The following TNFRSF10A variants were observed in gnomAD, a reference collection of about 807,000 sequenced individuals.
TNFRSF10A encodes the protein tumor necrosis factor receptor superfamily member 10A.
In TNFRSF10A, 44 loss-of-function variants were observed where a neutral mutation model predicts 42.8. The ratio of observed to expected loss-of-function variants is 1.03; its 90% CI spans 0.81 to 1.32. TNFRSF10A has a LOEUF of 1.32. TNFRSF10A is among the 40% of genes most tolerant of loss of function. The pLI, the probability that TNFRSF10A is intolerant of heterozygous loss-of-function variation, is 0.00. For missense variants in TNFRSF10A, 680 were observed against 602.0 expected, an observed-to-expected ratio of 1.13 and a Z score of -1.36; for synonymous variants, 259 against 234.2, an observed-to-expected ratio of 1.11 and a Z score of -0.97.
At position 23,191,919 on chromosome 8, in the gene TNFRSF10A, G is replaced by A. The variant is rs776854767; in HGVS notation, c.1182C>T (p.Ile394=). The change falls in exon 10 of 10, where the codon ATC becomes ATT. Residue 394 remains isoleucine, a synonymous_variant. Coordinates refer to ENST00000221132, the MANE Select transcript of TNFRSF10A (RefSeq NM_003844.4). ...CTGCTGTACCAGCTCTGACCACATC[G>A]ATCTCATTTTTCGTGAGGTCCAGCT... The part of the protein sequence containing the change: ...MRQLDLTKNE[I]DVVRAGTAGP... The A allele has an allele frequency of 2.7e-5, 44 of 1,613,988 alleles. No individual in the cohort carries two copies. The highest frequency in any genetic ancestry group is 8.9e-5 in the East Asian group (4 of 44,874).
rs781609480 is a variant in TNFRSF10A at position 23,224,990 on chromosome 8, C to G, written c.72G>C (p.Ala24=). Residue 24 remains alanine, a synonymous_variant, in exon 1 of 10, where the codon GCG becomes GCC. Coordinates refer to ENST00000221132, the MANE Select transcript of TNFRSF10A (RefSeq NM_003844.4). The part of the protein sequence containing the change: ...LAVTPNPGSA[A]SGTEAAAATP... ...TGGCCGCGGCTGCCTCTGTCCCACT[C>G]GCTGCGCTCCCGGGATTCGGAGTCA... is the stretch of plus-strand genomic sequence containing the variant. 15 of 1,592,546 alleles carry G rather than the reference C, an allele frequency of 9.4e-6. No homozygotes were observed. The highest frequency in any genetic ancestry group is 6.9e-5 in the Admixed American group (4 of 57,700).
Position 23,199,463 on chromosome 8 carries a change from G to C in TNFRSF10A, c.832-15C>G. 1 of 1,603,434 alleles carries C rather than the reference G, an allele frequency of 6.2e-7. No homozygotes were observed. The highest frequency in any genetic ancestry group is 8.5e-7 in the Non-Finnish European group (1 of 1,171,222). On this transcript the variant is annotated splice_polypyrimidine_tract_variant and intron_variant, in intron 7 of 9. Coordinates refer to ENST00000221132, the MANE Select transcript of TNFRSF10A (RefSeq NM_003844.4). ...CAGAAACACACCTTAGGAAGGCAAA[G>C]AGCCAACTCAGAAGCCCACACCCAG... is the stretch of plus-strand genomic sequence containing the variant.
chr8:23,199,734 G>C (rs1800880219), intron 7 of TNFRSF10A, 152 bp downstream of exon 7: 5 of 1,107,118 alleles, frequency 4.5e-6, no homozygotes, highest in Non-Finnish European at 1.3e-6. Flanking sequence ...AAAAGGGCCT[G>C]TGTCCCCCAT....
At chr8:23,202,837 CTTCTTT>C in intron 2 of TNFRSF10A, 76 bp from the exon 3 acceptor site, 1 of 1,009,618 alleles carries the variant, frequency 9.9e-7, no homozygotes, top group South Asian at 1.3e-5. Context: ...CTAGGAAACT[CTTCTTT>C]TGGCCATCAG....
intron 9 of TNFRSF10A, 148 bp from the exon 10 acceptor site, chr8:23,192,161 T>A: frequency 7.1e-7 from 1 of 1,405,368 alleles, no homozygotes; most frequent in Non-Finnish European, 9.4e-7. Flanking sequence ...CCCACCCACC[T>A]CCCATCCACA....
At position 23,200,693 on chromosome 8, in the gene TNFRSF10A, C is replaced by A. The variant is rs770623755; in HGVS notation, c.697G>T (p.Glu233Ter). 9.8e-6 allele frequency: 15 copies of A among 1,527,108 alleles called. No homozygotes were observed. The African/African-American group carries it at 1.7e-4, about 17-fold the overall frequency. 94.6% of individuals were successfully genotyped at this position (1,527,108 alleles called of 1,614,324 possible). ...TCCCCAGTGGGCTTTGTACCTGATT[C>A]TTTGTGGACACACTCGATGTCACTC... Reference protein sequence around the residue: ...PWSDIECVHKESGNGHNIWVI... With the variant: ...PWSDIECVHK The change falls in exon 5 of 10, where the codon GAA (glutamate) becomes TAA (stop). Residue 233 changes from glutamate to a stop codon, truncating the protein, a stop_gained. Coordinates refer to ENST00000221132, the MANE Select transcript of TNFRSF10A (RefSeq NM_003844.4). LOFTEE classifies it high-confidence loss of function.
intron 2 of TNFRSF10A, among the ~76,000 whole-genome samples, chr8:23,210,576 G>T (rs1018501834): frequency 1.1e-4 from 17 of 152,284 alleles, no homozygotes; most frequent in African/African-American, 4.1e-4. Context: ...CTGCTACTTG[G>T]AAGGCTGAGG....
intron 9 of TNFRSF10A, among the ~76,000 whole-genome samples, chr8:23,192,828 T>C (rs976918702): frequency 6.6e-6 from 1 of 152,170 alleles, no homozygotes; most frequent in Non-Finnish European, 1.5e-5. Context: ...TTCTGGTCCT[T>C]AACGACTGGA....
chr8:23,218,484 TTTTA>T (rs1351591698), intron 1 of TNFRSF10A, among the ~76,000 whole-genome samples: 1 of 152,152 alleles, frequency 6.6e-6, no homozygotes, highest in Non-Finnish European at 1.5e-5. Context: ...TTCGTGGCTT[TTTTA>T]TTTCTTTGTT....
chr8:23,194,760 A>G (rs1800799972), intron 9 of TNFRSF10A, among the ~76,000 whole-genome samples: 1 of 152,348 alleles, frequency 6.6e-6, no homozygotes, highest in Non-Finnish European at 1.5e-5. Flanking sequence ...AAATGAAAGA[A>G]TTGAGTAAAT....
intron 1 of TNFRSF10A, chr8:23,224,465 C>T: frequency 4.3e-6 from 2 of 459,948 alleles, no homozygotes; most frequent in Non-Finnish European, 7.8e-6. Flanking sequence ...CTTCCCGATA[C>T]ATCGTGAGGT....
At chr8:23,215,976 G>A (rs1477658358) in intron 1 of TNFRSF10A, among the ~76,000 whole-genome samples, 2 of 152,042 alleles carry the variant, frequency 1.3e-5, no homozygotes, top group Middle Eastern at 3.4e-3. Flanking sequence ...GTGCCACCAC[G>A]CCTGGCTAAT....
At chr8:23,204,318 T>A (rs1421743912) in intron 2 of TNFRSF10A, among the ~76,000 whole-genome samples, 1 of 152,194 alleles carries the variant, frequency 6.6e-6, no homozygotes, top group African/African-American at 2.4e-5. Context: ...AGAAAGGACC[T>A]TCTCAGTCTC....
At chr8:23,215,688 A>G (rs969039135) in intron 1 of TNFRSF10A, among the ~76,000 whole-genome samples, 16 of 152,188 alleles carry the variant, frequency 1.1e-4, no homozygotes, top group African/African-American at 3.4e-4. Context: ...TGATTGGCAT[A>G]AAGTTATTCA....
chr8:23,207,021 T>A, intron 2 of TNFRSF10A: 1 of 413,828 alleles, frequency 2.4e-6, no homozygotes, highest in Admixed American at 2.9e-5. Flanking sequence ...TCCACTGCCA[T>A]GAAAAAAAGA....
At chr8:23,202,425 T>C (rs1197998594) in intron 3 of TNFRSF10A, among the ~76,000 whole-genome samples, 1 of 152,230 alleles carries the variant, frequency 6.6e-6, no homozygotes, top group Non-Finnish European at 1.5e-5. Context: ...GCTGTAATGA[T>C]GCCCCTACCC....
At chr8:23,207,042 A>T (rs1046542030) in intron 2 of TNFRSF10A, 2 of 460,012 alleles carry the variant, frequency 4.3e-6, no homozygotes, top group African/African-American at 2.0e-5. Flanking sequence ...ATATCCATAC[A>T]TCACCCACCT....
chr8:23,225,074 A>G lies in TNFRSF10A; in HGVS notation c.-13T>C, dbSNP rs570229513. 3 of 1,500,740 alleles carry G rather than the reference A, an allele frequency of 2.0e-6. No homozygotes were observed. The highest frequency in any genetic ancestry group is 2.6e-5 in the South Asian group (2 of 76,670). 93.0% of individuals were successfully genotyped at this position (1,500,740 alleles called of 1,614,324 possible). A position where few individuals can be genotyped will look rare whatever the true frequency, so the allele number is the denominator to read the frequency against. ...GTGGTGGCGCCATCCTGCCAGGTCA[A>G]TCCAAGAAGCAGCGTGCTTGGCTAT... On this transcript the variant is annotated 5_prime_UTR_variant, in exon 1 of 10. Coordinates refer to ENST00000221132, the MANE Select transcript of TNFRSF10A (RefSeq NM_003844.4).
At chr8:23,218,848 CTGTACAGTCTGGT>C (rs2128851706) in intron 1 of TNFRSF10A, among the ~76,000 whole-genome samples, 1 of 152,330 alleles carries the variant, frequency 6.6e-6, no homozygotes, top group Non-Finnish European at 1.5e-5. Flanking sequence ...ATGAGGGTTC[CTGTACAGTCTGGT>C]TGTATGAGGA....
Sources: allele counts gnomAD v4.1 joint callset (sites outside exome capture counted in the v4.1 genomes callset), GRCh38; gene constraint gnomAD v4.1.1; transcripts MANE v1.5; gene names NCBI Gene and HGNC (gene_info 2026-07-23, HGNC 2026-07-21).